VDR: variants seen among roughly 807,000 people sequenced by gnomAD.
VDR encodes vitamin D receptor.
In VDR, 19 loss-of-function variants were observed where a neutral mutation model predicts 39.7. The ratio of observed to expected loss-of-function variants is 0.48; its 90% CI spans 0.33 to 0.70. VDR has a LOEUF of 0.70. VDR is among the 30% of genes least tolerant of loss of function. The pLI is 0.02. For missense variants in VDR, 442 were observed against 570.5 expected (o/e 0.77, Z 2.29); for synonymous variants, 242 against 215.8 (o/e 1.12, Z -1.07).
In VDR at chr12:47,844,632, A is replaced by AG. The variant is rs1374486140; in HGVS notation, c.*113dup. On this transcript the variant is annotated 3_prime_UTR_variant, in exon 10 of 10. Transcript: ENST00000549336. ...GGGTGGATAGGGGAGGTGGCAGAGG[A>AG]GGGGCTGAACCCCAGACGGGGTGAG... The AG allele has an allele frequency of 6.9e-7, 1 of 1,440,320 alleles. No homozygotes were observed. Among genetic ancestry groups the AG allele is most frequent in the African/African-American group, 1.4e-5 (1 of 71,718 alleles). The allele number at this position is 1,440,320 out of a possible 1,614,324, so 89.2% of individuals were successfully genotyped here.
In VDR at chr12:47,852,787, C is replaced by T. The variant is rs1009076160; in HGVS notation, c.755+2843G>A. Reference sequence around the variant, plus strand: ...CATCTCACTGGCAAGGCATTAATTTCGGCAATAACTCATGGCTTTTCTACA... The same window carrying T: ...CATCTCACTGGCAAGGCATTAATTTTGGCAATAACTCATGGCTTTTCTACA... On this transcript the variant is annotated intron_variant, in intron 7 of 9. Coordinates refer to ENST00000549336, the MANE Select transcript of VDR (RefSeq NM_000376.3). Among the ~76,000 whole-genome samples, 4 of 152,140 alleles carry T rather than the reference C, an allele frequency of 2.6e-5. No individual in the cohort carries two copies. In the East Asian group the frequency reaches 5.8e-4, roughly 22 times the overall value.
At chr12:47,871,442 C>T (rs1945875946) in intron 3 of VDR, among the ~76,000 whole-genome samples, 1 of 143,866 alleles carries the variant, frequency 7.0e-6, no homozygotes, top group Non-Finnish European at 1.5e-5. Flanking sequence ...TCCTTCCTTC[C>T]TTCCTTCTTT....
At chr12:47,883,257 G>A (rs368776892) in intron 1 of VDR, among the ~76,000 whole-genome samples, 7 of 152,302 alleles carry the variant, frequency 4.6e-5, no homozygotes, top group South Asian at 4.1e-4. Flanking sequence ...AGGAGGTGCC[G>A]CACAGGAGCT....
chr12:47,851,039 G>T (rs997752010), intron 7 of VDR, among the ~76,000 whole-genome samples: 3 of 152,188 alleles, frequency 2.0e-5, no homozygotes, highest in Non-Finnish European at 2.9e-5. Context: ...AAAGCTATTT[G>T]TTGGATGGAT....
intron 1 of VDR, among the ~76,000 whole-genome samples, chr12:47,890,834 A>G (rs1946356554): frequency 6.6e-6 from 1 of 152,192 alleles, no homozygotes; most frequent in African/African-American, 2.4e-5. Flanking sequence ...ATCTGCAGCT[A>G]CAACTCAAGA....
chr12:47,881,807 C>T (rs1238737621), intron 2 of VDR, among the ~76,000 whole-genome samples: 1 of 152,194 alleles, frequency 6.6e-6, no homozygotes, highest in Non-Finnish European at 1.5e-5. Context: ...ACATAGCACA[C>T]ATTCAAGATG....
At chr12:47,846,850 G>A (rs1256950528) in intron 7 of VDR, 42 bp from the exon 8 acceptor site, 9 of 1,610,902 alleles carry the variant, frequency 5.6e-6, no homozygotes, top group South Asian at 3.3e-5. Context: ...ACCAGTAAAC[G>A]CCTTCAAGCC....
At chr12:47,904,118 GAGGAGGAGA>G (rs1283634518) in intron 1 of VDR, among the ~76,000 whole-genome samples, 1 of 151,846 alleles carries the variant, frequency 6.6e-6, no homozygotes, top group Non-Finnish European at 1.5e-5. Flanking sequence ...GGAGGAGGAG[GAGGAGGAGA>G]AGGAGGAGGA....
intron 6 of VDR, among the ~76,000 whole-genome samples, chr12:47,856,368 G>A (rs1945487228): frequency 6.6e-6 from 1 of 151,974 alleles, no homozygotes. Context: ...TCATTGTAAG[G>A]GAAAATTTCC....
chr12:47,899,858 T>G, intron 1 of VDR: 2 of 958,204 alleles, frequency 2.1e-6, no homozygotes, highest in Non-Finnish European at 2.5e-6. Context: ...GCTATGAGGA[T>G]TGAGGGAGGC....
In VDR at chr12:47,865,124, C is replaced by A. The variant is rs753383761; in HGVS notation, c.200G>T (p.Arg67Leu). ...GTGGCGTCGGTTGTCCTTGGTGATG[C>A]GGCAGTCCCCGTTGAAGGGGCAGGT... ...LFTCPFNGDC[R>L]ITKDNRRHCQ... Residue 67 changes from arginine (R) to leucine (L), a missense_variant, in exon 4 of 10, where the codon CGC (arginine) becomes CTC (leucine). This residue lies in a region of VDR where 141 missense variants were observed against 141.3 expected (regional missense o/e 1.00). Transcript: ENST00000549336. The A allele has an allele frequency of 2.5e-6, 4 of 1,613,710 alleles. No individual in the cohort carries two copies. The highest frequency in any genetic ancestry group is 1.7e-6 in the Non-Finnish European group (2 of 1,179,764).
chr12:47,850,252 T>C (rs1389527927), intron 7 of VDR, among the ~76,000 whole-genome samples: 1 of 152,220 alleles, frequency 6.6e-6, no homozygotes. Context: ...TAATTCTTTA[T>C]CCTACTTCCT....
intron 1 of VDR, among the ~76,000 whole-genome samples, chr12:47,890,981 A>G (rs2137232860): frequency 6.6e-6 from 1 of 152,314 alleles, no homozygotes; most frequent in East Asian, 1.9e-4. Context: ...TTTGAGGCCC[A>G]ACAACCTACC....
intron 1 of VDR, among the ~76,000 whole-genome samples, chr12:47,888,898 A>C (rs1319442096): frequency 6.6e-6 from 1 of 152,202 alleles, no homozygotes; most frequent in African/African-American, 2.4e-5. Context: ...AAAAGCTAGG[A>C]AAGAAGATTT....
chr12:47,869,338 C>T (rs1345525794), intron 3 of VDR, among the ~76,000 whole-genome samples: 2 of 151,478 alleles, frequency 1.3e-5, no homozygotes, highest in Non-Finnish European at 2.9e-5. Flanking sequence ...AGATCGAGAC[C>T]ATTGTGGCTA....
At chr12:47,869,112 G>A (rs375804823) in intron 3 of VDR, among the ~76,000 whole-genome samples, 5 of 152,348 alleles carry the variant, frequency 3.3e-5, no homozygotes, top group East Asian at 1.9e-4. Context: ...AGATTCCACT[G>A]CTTCGCCATC....
At chr12:47,904,486 A>AAAAAAAAAAAAAAAAAAAAAAAAC (rs1946630893) in intron 1 of VDR, 1 of 997,630 alleles carries the variant, frequency 1.0e-6, no homozygotes, top group Non-Finnish European at 1.4e-6. Flanking sequence ...AAAAAAAAAA[A>AAAAAAAAAAAAAAAAAAAAAAAAC]ATTACTTAAA....
chr12:47,871,384 C>A (rs1945872927), intron 3 of VDR, among the ~76,000 whole-genome samples: 1 of 113,376 alleles, frequency 8.8e-6, no homozygotes, highest in East Asian at 4.3e-4. Flanking sequence ...TCTCTTCCTT[C>A]CTTCCTTCCT....
chr12:47,862,534 G>A (rs1279612529), intron 4 of VDR, among the ~76,000 whole-genome samples: 1 of 152,252 alleles, frequency 6.6e-6, no homozygotes, highest in East Asian at 1.9e-4. Flanking sequence ...AGAAGAAAAT[G>A]CATGTGCTTG....
Sources: gnomAD v4.1 joint callset for allele counts (sites outside exome capture counted in the v4.1 genomes callset) on GRCh38, gnomAD v4.1.1 for gene constraint, gnomAD v4.1.1 regional missense constraint, MANE v1.5 for transcripts, NCBI Gene and HGNC (gene_info 2026-07-23, HGNC 2026-07-21) for gene names.